The following PDE1C variants were observed in gnomAD, a reference collection of about 807,000 sequenced individuals.
PDE1C encodes the protein phosphodiesterase 1C, also known as dual specificity calcium/calmodulin-dependent 3',5'-cyclic nucleotide phosphodiesterase 1C.
In PDE1C, 62 loss-of-function variants were observed where a neutral mutation model predicts 93.1. The observed-to-expected ratio is 0.67, with a 90% CI of 0.54 to 0.82. The LOEUF is 0.82. Among genes scored for constraint, PDE1C ranks in the 40% least tolerant of loss-of-function variants. PDE1C has a pLI of 0.00. For synonymous variants in PDE1C, 325 were observed against 310.1 expected (o/e 1.05, Z -0.50); for missense variants, 742 against 884.6 (o/e 0.84, Z 2.04).
chr7:32,118,257 C>T (rs1799097420), intron 3 of PDE1C, among the ~76,000 whole-genome samples: 1 of 152,186 alleles, frequency 6.6e-6, no homozygotes, highest in Admixed American at 6.5e-5. Flanking sequence ...CCAAAAGGAA[C>T]ATCTGTGAGC....
At chr7:31,702,367 C>G in the PDE1C span, among the ~76,000 whole-genome samples, 2 of 152,142 alleles carry the variant, frequency 1.3e-5, no homozygotes, top group East Asian at 3.9e-4. Flanking sequence ...GGTCCAAGGA[C>G]CGGGGGAGGC....
Position 31,790,106 on chromosome 7 carries a change from G to A in PDE1C, c.1892-14374C>T, listed in dbSNP as rs750321048. Reference sequence around the variant, plus strand: ...GTGAGGGAAGGCCAAGGGTCAGGGGGTGGGGGGCTTGTGTTTGAAAGTTGT... The same window carrying A: ...GTGAGGGAAGGCCAAGGGTCAGGGGATGGGGGGCTTGTGTTTGAAAGTTGT... On this transcript the variant is annotated intron_variant, in intron 16 of 17. Transcript: ENST00000396191. 3.9e-6 allele frequency: 6 copies of A among 1,533,566 alleles called. No individual in the cohort carries two copies. The Admixed American group carries it at 8.4e-5, about 21-fold the overall frequency. 95.0% of individuals were successfully genotyped at this position (1,533,566 alleles called of 1,614,324 possible).
At chr7:32,270,881 A>G (rs2128886253) in intron 1 of PDE1C, among the ~76,000 whole-genome samples, 1 of 152,318 alleles carries the variant, frequency 6.6e-6, no homozygotes, top group South Asian at 2.1e-4. Flanking sequence ...CTGTAATCCC[A>G]GCACTTTGGG....
At chr7:32,164,161 A>C (rs1462011387) in intron 3 of PDE1C, among the ~76,000 whole-genome samples, 1 of 152,194 alleles carries the variant, frequency 6.6e-6, no homozygotes, top group Non-Finnish European at 1.5e-5. Flanking sequence ...CACAGGCTGC[A>C]CCCCAGACCT....
At chr7:31,735,820 G>A in the PDE1C span, among the ~76,000 whole-genome samples, 38 of 152,008 alleles carry the variant, frequency 2.5e-4, no homozygotes, top group Non-Finnish European at 5.0e-4. Context: ...TTGTATATAC[G>A]GTCATCCCTC....
chr7:32,396,878 G>C (rs936183018), intron 1 of PDE1C, among the ~76,000 whole-genome samples: 6 of 152,192 alleles, frequency 3.9e-5, no homozygotes, highest in African/African-American at 1.4e-4. Context: ...AAATCATTTA[G>C]AGAAGAGATG....
chr7:31,724,686 TAGC>T, the PDE1C span, among the ~76,000 whole-genome samples: 2 of 152,194 alleles, frequency 1.3e-5, no homozygotes, highest in Non-Finnish European at 2.9e-5. Context: ...TGACAGGAAA[TAGC>T]AGCTCTAAAT....
exon 1 of PDE1C, chr7:32,299,111 G>A (rs566634279): frequency 9.5e-7 from 1 of 1,050,948 alleles, no homozygotes; most frequent in Non-Finnish European, 1.1e-6. Context: ...CGGATCCCGC[G>A]CGCCACAGGA....
Position 32,171,180 on chromosome 7 carries a change from C to T in PDE1C, c.137-1224G>A, listed in dbSNP as rs549415907. ...TTATCTTTACAATGGCATTTGTCTC[C>T]TTATCTGTTGACCTTACCATACCTA... On this transcript the variant is annotated intron_variant, in intron 2 of 18. Transcript: ENST00000396193. Among the ~76,000 whole-genome samples the T allele has an allele frequency of 4.6e-5, 7 of 152,284 alleles. No individual in the cohort carries two copies. In the South Asian group the frequency reaches 1.5e-3, roughly 32 times the overall value.
the PDE1C span, among the ~76,000 whole-genome samples, chr7:31,722,058 T>G: frequency 6.6e-6 from 1 of 152,188 alleles, no homozygotes; most frequent in African/African-American, 2.4e-5. Context: ...CGTGTCTCTC[T>G]TCTGATAAGG....
intron 6 of PDE1C, among the ~76,000 whole-genome samples, chr7:31,866,442 A>T (rs1795305153): frequency 6.6e-6 from 1 of 152,188 alleles, no homozygotes; most frequent in Non-Finnish European, 1.5e-5. Context: ...GTGTGTGCAC[A>T]GGAACTTTGT....
chr7:31,743,523 C>A, the PDE1C span, among the ~76,000 whole-genome samples: 1 of 151,750 alleles, frequency 6.6e-6, no homozygotes, highest in Non-Finnish European at 1.5e-5. Flanking sequence ...GTCATAAAAC[C>A]ACATCAGCAT....
the PDE1C span, among the ~76,000 whole-genome samples, chr7:31,690,503 G>A: frequency 2.4e-4 from 37 of 152,234 alleles, 1 homozygote; most frequent in South Asian, 7.1e-3. Context: ...TGGAGAGGGG[G>A]CAAAAATGAT....
chr7:32,215,299 G>T (rs974781402), intron 1 of PDE1C, among the ~76,000 whole-genome samples: 1 of 152,182 alleles, frequency 6.6e-6, no homozygotes, highest in African/African-American at 2.4e-5. Context: ...ATCTGAGGTA[G>T]AACAGTTTCA....
chr7:32,409,644 A>G (rs774269917), intron 1 of PDE1C, among the ~76,000 whole-genome samples: 22 of 152,124 alleles, frequency 1.4e-4, no homozygotes, highest in Non-Finnish European at 2.9e-4. Context: ...TTAATGATCT[A>G]AGGAGAAAAG....
chr7:31,746,697 C>G (rs972207211), downstream of PDE1C, among the ~76,000 whole-genome samples: 1 of 152,174 alleles, frequency 6.6e-6, no homozygotes, highest in Non-Finnish European at 1.5e-5. Context: ...ACACAGCTTC[C>G]TCTGAGACTT....
At chr7:31,826,209 G>C (rs1254817590) in intron 12 of PDE1C, among the ~76,000 whole-genome samples, 1 of 152,188 alleles carries the variant, frequency 6.6e-6, no homozygotes, top group Non-Finnish European at 1.5e-5. Flanking sequence ...GTTTGGAAAT[G>C]TATGAATGCA....
the PDE1C span, among the ~76,000 whole-genome samples, chr7:31,631,834 T>C: frequency 4.6e-5 from 7 of 152,218 alleles, no homozygotes; most frequent in African/African-American, 1.7e-4. Flanking sequence ...GAAAAATAAT[T>C]AGCTTGTCTC....
intron 15 of PDE1C, among the ~76,000 whole-genome samples, chr7:31,812,454 C>G (rs1787676575): frequency 6.6e-6 from 1 of 152,154 alleles, no homozygotes; most frequent in South Asian, 2.1e-4. Flanking sequence ...GGTTGGCAAA[C>G]TATGGCCCAT....
Sources: gnomAD v4.1 joint callset for allele counts (sites outside exome capture counted in the v4.1 genomes callset) on GRCh38, gnomAD v4.1.1 for gene constraint, MANE v1.5 for transcripts, NCBI Gene and HGNC (gene_info 2026-07-23, HGNC 2026-07-21) for gene names.